RGL1: variants seen among roughly 807,000 people sequenced by gnomAD.
RGL1 encodes the protein ral guanine nucleotide dissociation stimulator-like 1.
A neutral mutation model predicts 95.2 loss-of-function variants in RGL1; 24 were observed. That is an observed-to-expected ratio of 0.25 (90% CI 0.18 to 0.35). RGL1 has a LOEUF of 0.35. Ranked by LOEUF, RGL1 falls within the 10% of genes least tolerant of loss-of-function variation. RGL1 has a pLI of 1.00. For missense variants in RGL1, 715 were observed against 936.3 expected (o/e 0.76, Z 3.08); for synonymous variants, 329 against 344.9 (o/e 0.95, Z 0.51).
intron 1 of RGL1, among the ~76,000 whole-genome samples, chr1:183,700,495 C>T (rs1441415916): frequency 1.3e-5 from 2 of 149,400 alleles, no homozygotes; most frequent in Non-Finnish European, 3.0e-5. Context: ...AGTTTTGTTA[C>T]ATAGGTATAC....
intron 4 of RGL1, among the ~76,000 whole-genome samples, chr1:183,871,436 A>G (rs1394813171): frequency 2.0e-5 from 3 of 152,210 alleles, no homozygotes; most frequent in Non-Finnish European, 4.4e-5. Context: ...CAGGAAGTAA[A>G]CATCCTGTTT....
chr1:183,901,329 A>T (rs1668009312), intron 11 of RGL1, among the ~76,000 whole-genome samples: 2 of 151,976 alleles, frequency 1.3e-5, no homozygotes, highest in African/African-American at 4.8e-5. Context: ...ATAAATAAAA[A>T]TACAAAAATT....
intron 5 of RGL1, among the ~76,000 whole-genome samples, chr1:183,882,504 G>A (rs1447601377): frequency 6.6e-6 from 1 of 152,200 alleles, no homozygotes; most frequent in Non-Finnish European, 1.5e-5. Flanking sequence ...GAAGAATGAT[G>A]AAATTAGATT....
chr1:183,888,710 G>T lies in RGL1; in HGVS notation c.1055+133G>T, dbSNP rs1266280972. ...AAATCCTCTGTGTGTTTCAGGCAGG[G>T]TGCATCTTACACATAATCATTAATG... On this transcript the variant is annotated intron_variant, in intron 8 of 17. Coordinates refer to ENST00000360851, the MANE Select transcript of RGL1 (RefSeq NM_001297671.3). 3 of 621,826 alleles carry T rather than the reference G, an allele frequency of 4.8e-6. No individual in the cohort carries two copies. The African/African-American group carries it at 5.5e-5, about 11-fold the overall frequency. The allele number at this position is 621,826 out of a possible 1,614,324, so 38.5% of individuals were successfully genotyped here.
intron 2 of RGL1, among the ~76,000 whole-genome samples, chr1:183,790,698 T>G (rs528082960): frequency 6.6e-6 from 1 of 152,308 alleles, no homozygotes; most frequent in East Asian, 1.9e-4. Flanking sequence ...AACTATATTA[T>G]CTAGTTAGCT....
chr1:183,826,777 A>T (rs1372345695), intron 2 of RGL1, among the ~76,000 whole-genome samples: 1 of 152,266 alleles, frequency 6.6e-6, no homozygotes, highest in Non-Finnish European at 1.5e-5. Flanking sequence ...AACATATTTC[A>T]GTAACATTTT....
At chr1:183,721,611 A>G (rs1424884489) in intron 1 of RGL1, among the ~76,000 whole-genome samples, 2 of 152,220 alleles carry the variant, frequency 1.3e-5, no homozygotes, top group African/African-American at 4.8e-5. Context: ...CTGTAATCAG[A>G]TCTTTGGATA....
intron 4 of RGL1, among the ~76,000 whole-genome samples, chr1:183,873,755 T>C: frequency 6.6e-6 from 1 of 152,250 alleles, no homozygotes; most frequent in East Asian, 1.9e-4. Context: ...GTTGCTTTAT[T>C]ATTGAATGAA....
intron 6 of RGL1, 74 bp from the exon 7 acceptor site, chr1:183,884,649 A>C: frequency 1.6e-6 from 2 of 1,278,768 alleles, no homozygotes; most frequent in East Asian, 4.7e-5. Context: ...CCAATTTACA[A>C]ATGACCCAGA....
At chr1:183,838,604 C>T (rs1422224605) in intron 2 of RGL1, among the ~76,000 whole-genome samples, 1 of 152,192 alleles carries the variant, frequency 6.6e-6, no homozygotes, top group Non-Finnish European at 1.5e-5. Context: ...CCTGCCTCCA[C>T]ATTTCTACTT....
rs12407720 is a variant in RGL1, at chr1:183,707,097, T to A, written c.-32-35029T>A. Among the ~76,000 whole-genome samples the A allele has an allele frequency of 5.3e-5, 8 of 152,158 alleles. 1 individual carries two copies. The highest frequency in any genetic ancestry group is 4.6e-4 in the Admixed American group (7 of 15,276). ...TCCTGTAAGGAGACACACAATCATGTGGTCTTGATGGCGGCGTCCAGGGGC... is the reference window on the plus strand; with the variant it reads ...TCCTGTAAGGAGACACACAATCATGAGGTCTTGATGGCGGCGTCCAGGGGC... On this transcript the variant is annotated intron_variant, in intron 1 of 18. Coordinates refer to the RGL1 transcript ENST00000304685.
At chr1:183,843,103 A>G (rs1256879836) in intron 2 of RGL1, among the ~76,000 whole-genome samples, 1 of 152,212 alleles carries the variant, frequency 6.6e-6, no homozygotes, top group Non-Finnish European at 1.5e-5. Context: ...ATAAGCAGGT[A>G]TTAGGATATT....
intron 2 of RGL1, among the ~76,000 whole-genome samples, chr1:183,745,128 A>G (rs532250685): frequency 2.0e-5 from 3 of 152,178 alleles, no homozygotes; most frequent in Non-Finnish European, 2.9e-5. Flanking sequence ...TTCTTGTGGC[A>G]TTGAGCATCT....
upstream of RGL1, among the ~76,000 whole-genome samples, chr1:183,804,863 A>G (rs1179563784): frequency 1.3e-5 from 2 of 152,262 alleles, no homozygotes; most frequent in Non-Finnish European, 2.9e-5. Context: ...GCGAAGGAAG[A>G]AGACACACAC....
At chr1:183,658,655 A>G (rs1409613617) in intron 1 of RGL1, among the ~76,000 whole-genome samples, 2 of 152,022 alleles carry the variant, frequency 1.3e-5, no homozygotes, top group African/African-American at 2.4e-5. Flanking sequence ...AAAAGACAGC[A>G]GTAACCTCTG....
At position 183,759,832 on chromosome 1, in the gene RGL1, A is replaced by T. The variant is rs1482225009; in HGVS notation, c.132+17543A>T. Among the ~76,000 whole-genome samples, 4 of 152,328 alleles carry T rather than the reference A, an allele frequency of 2.6e-5. No homozygotes were observed. In the South Asian group the frequency reaches 6.2e-4, roughly 24 times the overall value. On this transcript the variant is annotated intron_variant, in intron 2 of 18. Transcript: ENST00000304685. ...GGATACTGAGGATATTAAAGCTTTC[A>T]TTATGGTTAAATTTCACTGTTGGTA...
At chr1:183,641,785 C>T (rs973671239) in intron 1 of RGL1, among the ~76,000 whole-genome samples, 1 of 152,194 alleles carries the variant, frequency 6.6e-6, no homozygotes, top group Non-Finnish European at 1.5e-5. Context: ...CCTGGGCTTG[C>T]TGATACTTTT....
intron 4 of RGL1, among the ~76,000 whole-genome samples, chr1:183,879,591 C>A (rs991295703): frequency 1.3e-5 from 2 of 152,140 alleles, no homozygotes; most frequent in African/African-American, 4.8e-5. Flanking sequence ...TGTATAGTCC[C>A]TGTCATCTTC....
At chr1:183,676,068 G>A (rs1289233185) in intron 1 of RGL1, among the ~76,000 whole-genome samples, 1 of 152,110 alleles carries the variant, frequency 6.6e-6, no homozygotes. Flanking sequence ...GATGGCTTGA[G>A]CCCAGAAGGT....
Sources: allele counts gnomAD v4.1 joint callset (sites outside exome capture counted in the v4.1 genomes callset), GRCh38; gene constraint gnomAD v4.1.1; transcripts MANE v1.5; gene names NCBI Gene and HGNC (gene_info 2026-07-23, HGNC 2026-07-21).